Variants in TRIM32 observed in about 807,000 individuals in gnomAD.
TRIM32 encodes the protein E3 ubiquitin-protein ligase TRIM32.
Under a neutral mutation model 36.0 loss-of-function variants are expected in TRIM32, and 19 were observed. The ratio of observed to expected loss-of-function variants is 0.53; its 90% CI spans 0.37 to 0.77. The LOEUF is 0.77. Among genes scored for constraint, TRIM32 ranks in the 30% least tolerant of loss-of-function variants. The probability of loss-of-function intolerance (pLI) is 0.00; values close to 1 mark genes in which losing one functional copy is unlikely to be tolerated. For missense variants in TRIM32, 747 were observed against 845.2 expected (o/e 0.88, Z 1.44); for synonymous variants, 309 against 318.5 (o/e 0.97, Z 0.32).
rs752165418 is a variant in TRIM32 at position 116,698,100 on chromosome 9, T to C, written c.358T>C (p.Cys120Arg). The C allele has an allele frequency of 5.0e-6, 8 of 1,614,016 alleles. No homozygotes were observed. The highest frequency in any genetic ancestry group is 1.1e-5 in the South Asian group (1 of 91,090). The change falls in exon 2 of 2, where the codon TGT becomes CGT. Residue 120 changes from cysteine to arginine, a missense_variant. Physicochemically the swap from Cys to Arg is radical, Grantham distance 180 (BLOSUM62 -3). Coordinates refer to ENST00000450136, the MANE Select transcript of TRIM32 (RefSeq NM_012210.4). This position sits in a 1 kb window ranked among gnomAD's most constrained non-coding sequence, Gnocchi z 4.4. ...CTGCCGGAGCTGTGGTTTGGTGTTA[T>C]GTGAGCCCTGCCGGGAGGCAGACCA... ...QFCRSCGLVL[C>R]EPCREADHQP... is the part of the protein sequence containing the mutation.
rs1157856809 is a variant in TRIM32 at position 116,698,706 on chromosome 9, T to C, written c.964T>C (p.Phe322Leu). ...TASAASTSVT[F>L]REMDMSPEEV... ...GTCTGCTGCCTCTACCTCTGTTACT[T>C]TTAGAGAGATGGACATGAGCCCGGA... Residue 322 changes from phenylalanine (F) to leucine (L), a missense_variant, in exon 2 of 2, where the codon TTT becomes CTT. Physicochemically the swap from Phe to Leu is conservative, Grantham distance 22. Coordinates refer to ENST00000450136, the MANE Select transcript of TRIM32 (RefSeq NM_012210.4). The surrounding 1 kb of genome is among the most constrained non-coding windows in gnomAD (Gnocchi z 4.4). 1 of 1,614,116 alleles carries C rather than the reference T, an allele frequency of 6.2e-7. No individual in the cohort carries two copies.
In TRIM32 at chr9:116,700,832, C is replaced by T. The variant is rs962888636; in HGVS notation, c.*1128C>T. The T allele has an allele frequency of 6.0e-6, 1 of 166,860 alleles. No homozygotes were observed. Among genetic ancestry groups the T allele is most frequent in the Non-Finnish European group, 1.5e-5 (1 of 68,122 alleles). 10.3% of individuals were successfully genotyped at this position (166,860 alleles called of 1,614,324 possible). A position where few individuals can be genotyped will look rare whatever the true frequency, so the allele number is the denominator to read the frequency against. On this transcript the variant is annotated 3_prime_UTR_variant, in exon 2 of 2. Coordinates refer to ENST00000450136, the MANE Select transcript of TRIM32 (RefSeq NM_012210.4). ...TAACCTGCGCTATGCCATTTTGCTT[C>T]CTTATCTCACTGTGTTCTTTCAGAG...
In TRIM32 at chr9:116,697,691, C is replaced by G; in HGVS notation, c.-52C>G. 6.2e-7 allele frequency: 1 copy of G among 1,610,130 alleles called. No individual in the cohort carries two copies. Among genetic ancestry groups the G allele is most frequent in the South Asian group, 1.1e-5 (1 of 90,778 alleles). On this transcript the variant is annotated 5_prime_UTR_variant, in exon 2 of 2. Transcript: ENST00000450136. ...AATTTGACCCTCTAGGGCATGAATA[C>G]TGTGCTGTTCAGTTCTGAGCTGTGC...
chr9:116,700,585 C>T lies in TRIM32; in HGVS notation c.*881C>T, dbSNP rs1861120826. 6.0e-6 allele frequency: 1 copy of T among 167,084 alleles called. No homozygotes were observed. Among genetic ancestry groups the T allele is most frequent in the East Asian group, 1.9e-4 (1 of 5,200 alleles). The allele number at this position is 167,084 out of a possible 1,614,324, so 10.4% of individuals were successfully genotyped here. ...GGAATTGTACAACATAGGCCAGGGCCAACAAAGTGGAGAGGTGGACACATT... is the reference window on the plus strand; with the variant it reads ...GGAATTGTACAACATAGGCCAGGGCTAACAAAGTGGAGAGGTGGACACATT... On this transcript the variant is annotated 3_prime_UTR_variant, in exon 2 of 2. Coordinates refer to ENST00000450136, the MANE Select transcript of TRIM32 (RefSeq NM_012210.4).
rs1861086323 is a variant in TRIM32 at position 116,699,851 on chromosome 9, A to G, written c.*147A>G. 3.6e-6 allele frequency: 4 copies of G among 1,116,180 alleles called. No individual in the cohort carries two copies. The highest frequency in any genetic ancestry group is 5.2e-6 in the Non-Finnish European group (4 of 775,462). 69.1% of individuals were successfully genotyped at this position (1,116,180 alleles called of 1,614,324 possible). On this transcript the variant is annotated 3_prime_UTR_variant, in exon 2 of 2. Coordinates refer to ENST00000450136, the MANE Select transcript of TRIM32 (RefSeq NM_012210.4). The surrounding 1 kb of genome is among the most constrained non-coding windows in gnomAD (Gnocchi z 4.2). ...AGAACTTCAGAAGCTCCATCTTTTAATGTTTTTATTTGTTATGTCCCCCTC... is the reference window on the plus strand; with the variant it reads ...AGAACTTCAGAAGCTCCATCTTTTAGTGTTTTTATTTGTTATGTCCCCCTC...
chr9:116,692,367 G>C (rs987868479), intron 1 of TRIM32, among the ~76,000 whole-genome samples: 2 of 152,118 alleles, frequency 1.3e-5, no homozygotes, highest in Non-Finnish European at 2.9e-5. Context: ...TAATAGGTTG[G>C]GTGGTGGCAG....
chr9:116,690,964 G>A (rs1860535872), intron 1 of TRIM32, among the ~76,000 whole-genome samples: 1 of 152,228 alleles, frequency 6.6e-6, no homozygotes, highest in Non-Finnish European at 1.5e-5. Context: ...GTGTCACCCA[G>A]GCTGGAGTGC....
Position 116,699,320 on chromosome 9 carries a change from C to T in TRIM32, c.1578C>T (p.Thr526=), listed in dbSNP as rs778620127. Residue 526 remains threonine (T), a synonymous_variant, in exon 2 of 2, where the codon ACC becomes ACT. Coordinates refer to ENST00000450136, the MANE Select transcript of TRIM32 (RefSeq NM_012210.4). The surrounding 1 kb of genome is among the most constrained non-coding windows in gnomAD (Gnocchi z 4.2). Reference sequence around the variant, plus strand: ...TTGTCACCTGTGATGCTGAGGGCACCGTCTACTTCACCCAGGGCTTAGGCC... The same window carrying T: ...TTGTCACCTGTGATGCTGAGGGCACTGTCTACTTCACCCAGGGCTTAGGCC... ...PKFVTCDAEG[T]VYFTQGLGLN... 11 of 1,614,014 alleles carry T rather than the reference C, an allele frequency of 6.8e-6. No individual in the cohort carries two copies. Among genetic ancestry groups the T allele is most frequent in the East Asian group, 4.5e-5 (2 of 44,884 alleles).
Position 116,699,503 on chromosome 9 carries a change from T to G in TRIM32, c.1761T>G (p.Gly587=), listed in dbSNP as rs1055524058. 6.2e-7 allele frequency: 1 copy of G among 1,614,208 alleles called. No homozygotes were observed. The highest frequency in any genetic ancestry group is 8.5e-7 in the Non-Finnish European group (1 of 1,180,040). The change falls in exon 2 of 2, where the codon GGT becomes GGG. Residue 587 remains glycine (G), a synonymous_variant. Transcript: ENST00000450136. The surrounding 1 kb of genome is among the most constrained non-coding windows in gnomAD (Gnocchi z 4.2). ...CTGGCATGTGTGTGGATGCTCGTGG[T>G]GATCTCATCGTGGCTGACAGTAGTC... is the stretch of plus-strand genomic sequence containing the variant. ...CIAGMCVDAR[G]DLIVADSSRK...
Position 116,698,992 on chromosome 9 carries a change from T to C in TRIM32, c.1250T>C (p.Phe417Ser). 1 of 1,614,170 alleles carries C rather than the reference T, an allele frequency of 6.2e-7. No homozygotes were observed. Among genetic ancestry groups the C allele is most frequent in the Non-Finnish European group, 8.5e-7 (1 of 1,180,022 alleles). ...IRRSPSGIDS[F>S]VLSFLGADLP... Reference sequence around the variant, plus strand: ...CGCAGCCCCAGTGGCATTGATAGCTTTGTGCTAAGCTTCCTTGGGGCAGAT... The same window carrying C: ...CGCAGCCCCAGTGGCATTGATAGCTCTGTGCTAAGCTTCCTTGGGGCAGAT... The change falls in exon 2 of 2, where the codon TTT becomes TCT. Residue 417 changes from phenylalanine to serine, a missense_variant. Transcript: ENST00000450136. The surrounding 1 kb of genome is among the most constrained non-coding windows in gnomAD (Gnocchi z 4.4).
At chr9:116,690,838 G>C (rs1397694315) in intron 1 of TRIM32, among the ~76,000 whole-genome samples, 1 of 152,196 alleles carries the variant, frequency 6.6e-6, no homozygotes, top group Non-Finnish European at 1.5e-5. Context: ...ATAAAAAAAT[G>C]CCTGACAATA....
chr9:116,694,457 C>CTT (rs1860731738), intron 1 of TRIM32, among the ~76,000 whole-genome samples: 1 of 60,386 alleles, frequency 1.7e-5, no homozygotes, highest in Non-Finnish European at 3.0e-5. Flanking sequence ...GTTGTAATTT[C>CTT]TCTTTTTTTT....
At chr9:116,690,705 C>T (rs1860522679) in intron 1 of TRIM32, among the ~76,000 whole-genome samples, 2 of 152,102 alleles carry the variant, frequency 1.3e-5, no homozygotes, top group South Asian at 4.1e-4. Context: ...GATTTGAATC[C>T]TTGCTCTATT....
chr9:116,691,529 G>A (rs1026007116), intron 1 of TRIM32, among the ~76,000 whole-genome samples: 1 of 152,168 alleles, frequency 6.6e-6, no homozygotes, highest in Non-Finnish European at 1.5e-5. Flanking sequence ...GTTTAACTTA[G>A]TAATTTAGCT....
rs780528671 is a variant in TRIM32 at position 116,698,186 on chromosome 9, C to CT, written c.447dup (p.Gly150TrpfsTer33). ...AAGCAGCTGAGGAGCGGCGTCGGGA[C>CT]TTTGGAGAGAAGTTAACTCGTCTGC... is the stretch of plus-strand genomic sequence containing the variant. On this transcript the variant is annotated frameshift_variant, in exon 2 of 2. Transcript: ENST00000450136. LOFTEE classifies it high-confidence loss of function. This position sits in a 1 kb window ranked among gnomAD's most constrained non-coding sequence, Gnocchi z 4.4. 6.2e-7 allele frequency: 1 copy of CT among 1,614,132 alleles called. No homozygotes were observed. Among genetic ancestry groups the CT allele is most frequent in the African/African-American group, 1.3e-5 (1 of 75,040 alleles).
chr9:116,698,866 T>G lies in TRIM32; in HGVS notation c.1124T>G (p.Val375Gly), dbSNP rs886044107. 7 of 1,614,100 alleles carry G rather than the reference T, an allele frequency of 4.3e-6. No homozygotes were observed. Among genetic ancestry groups the G allele is most frequent in the Middle Eastern group, 1.6e-4 (1 of 6,084 alleles). The part of the protein sequence containing the change: ...GSTPGMFNLP[V>G]SLYVTSQGEV... ...ACTCCAGGAATGTTCAATCTTCCAG[T>G]CAGTCTCTACGTGACCAGTCAAGGT... Residue 375 changes from valine (V) to glycine (G), a missense_variant, in exon 2 of 2, where the codon GTC (valine) becomes GGC (glycine). By Grantham distance (109) the Val-to-Gly change is moderately radical. Coordinates refer to ENST00000450136, the MANE Select transcript of TRIM32 (RefSeq NM_012210.4). This position sits in a 1 kb window ranked among gnomAD's most constrained non-coding sequence, Gnocchi z 4.4.
At chr9:116,687,920 GT>G (rs1457528109) in intron 1 of TRIM32, among the ~76,000 whole-genome samples, 1 of 151,928 alleles carries the variant, frequency 6.6e-6, no homozygotes, top group Non-Finnish European at 1.5e-5. Flanking sequence ...GATTGAGGGG[GT>G]GGGGTGAGTT....
At position 116,699,635 on chromosome 9, in the gene TRIM32, G is replaced by T. The variant is rs143186354; in HGVS notation, c.1893G>T (p.Leu631=). The T allele has an allele frequency of 6.2e-7, 1 of 1,614,208 alleles. No individual in the cohort carries two copies. The highest frequency in any genetic ancestry group is 1.7e-5 in the Admixed American group (1 of 60,036). The change falls in exon 2 of 2, where the codon CTG becomes CTT. Residue 631 remains leucine, a synonymous_variant. Transcript: ENST00000450136. This position sits in a 1 kb window ranked among gnomAD's most constrained non-coding sequence, Gnocchi z 4.2. ...GIALTPKGQL[L]VLDCWDHCIK... is the part of the protein sequence containing the mutation. ...CCCTAACTCCTAAGGGGCAGCTGCT[G>T]GTCTTGGACTGTTGGGATCATTGCA...
chr9:116,697,916 T>C lies in TRIM32; in HGVS notation c.174T>C (p.Gly58=). ...AGCTATTGGCCAGTAGCATCAATGG[T>C]GTCCGCTGTCCCTTTTGCAGCAAGA... ...LEKLLASSIN[G]VRCPFCSKIT... is the part of the protein sequence containing the mutation. Residue 58 remains glycine, a synonymous_variant, in exon 2 of 2, where the codon GGT becomes GGC. Coordinates refer to ENST00000450136, the MANE Select transcript of TRIM32 (RefSeq NM_012210.4). 1 of 1,614,192 alleles carries C rather than the reference T, an allele frequency of 6.2e-7. No homozygotes were observed. Among genetic ancestry groups the C allele is most frequent in the South Asian group, 1.1e-5 (1 of 91,088 alleles).
Sources: allele counts gnomAD v4.1 joint callset (sites outside exome capture counted in the v4.1 genomes callset), GRCh38; gene constraint gnomAD v4.1.1; non-coding constraint Gnocchi (gnomAD v3.1); transcripts MANE v1.5; gene names NCBI Gene and HGNC (gene_info 2026-07-23, HGNC 2026-07-21).